Variants in CLEC16A observed in about 807,000 individuals in gnomAD.
The protein encoded by CLEC16A is protein CLEC16A.
In CLEC16A, 51 loss-of-function variants were observed where a neutral mutation model predicts 109.5. The observed-to-expected ratio is 0.47, with a 90% CI of 0.37 to 0.59. CLEC16A has a LOEUF of 0.59. CLEC16A is among the 20% of genes least tolerant of loss of function. CLEC16A has a pLI of 0.00. For missense variants in CLEC16A, 1,339 were observed against 1,394.0 expected (o/e 0.96, Z 0.63); for synonymous variants, 673 against 564.2 (o/e 1.19, Z -2.73).
chr16:11,108,349 G>A (rs1406337801), intron 19 of CLEC16A, among the ~76,000 whole-genome samples: 1 of 152,264 alleles, frequency 6.6e-6, no homozygotes, highest in Non-Finnish European at 1.5e-5. Context: ...CAAGTGCCCT[G>A]TGAAAGGGGG....
At chr16:11,055,233 A>C (rs1482123344) in intron 18 of CLEC16A, among the ~76,000 whole-genome samples, 1 of 152,168 alleles carries the variant, frequency 6.6e-6, no homozygotes, top group Non-Finnish European at 1.5e-5. Context: ...TTGGGTATCA[A>C]CTCACAGTCA....
At chr16:11,123,620 C>G (rs1210059631) in intron 20 of CLEC16A, 122 bp from the exon 21 acceptor site, 1 of 949,394 alleles carries the variant, frequency 1.1e-6, no homozygotes, top group Non-Finnish European at 1.6e-6. Flanking sequence ...GGCTGTCGAT[C>G]TTAGATCAAA....
chr16:10,974,572 G>A (rs2042951123), intron 7 of CLEC16A, among the ~76,000 whole-genome samples: 1 of 152,162 alleles, frequency 6.6e-6, no homozygotes, highest in African/African-American at 2.4e-5. Flanking sequence ...AATGTCCCCA[G>A]ACATTGCCAA....
intron 19 of CLEC16A, among the ~76,000 whole-genome samples, chr16:11,070,015 A>T (rs1170255211): frequency 6.6e-6 from 1 of 151,580 alleles, no homozygotes; most frequent in Non-Finnish European, 1.5e-5. Flanking sequence ...GGACGACTGT[A>T]TTGTCAGGAT....
At chr16:11,069,474 G>A (rs548498630) in intron 19 of CLEC16A, among the ~76,000 whole-genome samples, 68 of 151,686 alleles carry the variant, frequency 4.5e-4, no homozygotes, top group South Asian at 1.0e-3. Flanking sequence ...TCGCTCTGTC[G>A]TCCAAGCTGG....
intron 19 of CLEC16A, chr16:11,071,217 G>A (rs2049052569): frequency 1.3e-5 from 2 of 152,090 alleles, no homozygotes; most frequent in African/African-American, 4.8e-5. Flanking sequence ...TAGTTTTGTG[G>A]TCCTGTCAGT....
In CLEC16A at chr16:10,954,175, G is replaced by C. The variant is rs1022249237; in HGVS notation, c.81-3607G>C. On this transcript the variant is annotated intron_variant, in intron 1 of 23. Transcript: ENST00000409790. The surrounding 1 kb of genome is among the most constrained non-coding windows in gnomAD (Gnocchi z 4.2). ...GTATTGAGAGGCCAAGAAACAAATGGAGTTCTCAGACCTTTCTTCCTGGCC... is the reference window on the plus strand; with the variant it reads ...GTATTGAGAGGCCAAGAAACAAATGCAGTTCTCAGACCTTTCTTCCTGGCC... Among the ~76,000 whole-genome samples the C allele has an allele frequency of 1.4e-4, 21 of 152,124 alleles. No homozygotes were observed. The highest frequency in any genetic ancestry group is 4.8e-4 in the African/African-American group (20 of 41,432).
At chr16:11,115,049 G>GT (rs1227162582) in intron 19 of CLEC16A, among the ~76,000 whole-genome samples, 2 of 152,154 alleles carry the variant, frequency 1.3e-5, no homozygotes, top group Non-Finnish European at 2.9e-5. Context: ...TGTTCTTTGT[G>GT]GTGGAGGTGG....
At chr16:11,030,363 C>G (rs2046669178) in intron 13 of CLEC16A, among the ~76,000 whole-genome samples, 1 of 152,182 alleles carries the variant, frequency 6.6e-6, no homozygotes, top group Non-Finnish European at 1.5e-5. Context: ...TTCCAAGATG[C>G]CTATATAATT....
chr16:11,001,179 T>C (rs6498143), intron 10 of CLEC16A, among the ~76,000 whole-genome samples: 2 of 151,966 alleles, frequency 1.3e-5, no homozygotes, highest in South Asian at 2.1e-4. Flanking sequence ...TCTGCCTCCT[T>C]GGCTCGAGCG....
intron 19 of CLEC16A, among the ~76,000 whole-genome samples, chr16:11,107,558 T>C (rs2051298369): frequency 6.6e-6 from 1 of 152,228 alleles, no homozygotes; most frequent in Non-Finnish European, 1.5e-5. Flanking sequence ...GGGAACAGTC[T>C]CAGCCCTTCT....
At chr16:11,164,992 G>T (rs938023937) in intron 22 of CLEC16A, among the ~76,000 whole-genome samples, 1 of 152,122 alleles carries the variant, frequency 6.6e-6, no homozygotes, top group Non-Finnish European at 1.5e-5. Flanking sequence ...GTGACCAAGA[G>T]GGTTGAGATC....
chr16:11,044,615 C>T (rs1186034907), intron 16 of CLEC16A, among the ~76,000 whole-genome samples: 1 of 152,148 alleles, frequency 6.6e-6, no homozygotes, highest in Non-Finnish European at 1.5e-5. Context: ...GCTTTGTCTT[C>T]AGGTTCCAGA....
At chr16:11,051,938 A>G (rs879573617) in intron 18 of CLEC16A, among the ~76,000 whole-genome samples, 4 of 152,224 alleles carry the variant, frequency 2.6e-5, no homozygotes, top group Non-Finnish European at 5.9e-5. Context: ...CAATGGGGCC[A>G]GTTTTCTGTG....
intron 13 of CLEC16A, among the ~76,000 whole-genome samples, chr16:11,028,401 G>A (rs367990651): frequency 6.6e-6 from 1 of 152,072 alleles, no homozygotes; most frequent in East Asian, 1.9e-4. Context: ...TTTGTACAAG[G>A]CTCCCTAAGA....
chr16:11,120,805 G>T, intron 20 of CLEC16A, 39 bp downstream of exon 20: 3 of 1,412,736 alleles, frequency 2.1e-6, no homozygotes, highest in Non-Finnish European at 9.3e-7. Flanking sequence ...TTCTCAGTTG[G>T]CTACAAACAC....
Position 11,178,461 on chromosome 16 carries a change from G to A in CLEC16A, c.2933G>A (p.Ser978Asn), listed in dbSNP as rs376884507. The change falls in exon 24 of 24, where the codon AGC becomes AAC. Residue 978 changes from serine (S) to asparagine (N), a missense_variant. Transcript: ENST00000409790. The surrounding 1 kb of genome is among the most constrained non-coding windows in gnomAD (Gnocchi z 6.5). ...VARSAAVETASLSPSLVPARQ... is the reference protein window; with the variant it reads ...VARSAAVETANLSPSLVPARQ... ...AGGAGCGCAGCCGTGGAGACAGCCA[G>A]CCTGTCCCCCAGCCTCGTCCCTGCC... The A allele has an allele frequency of 6.2e-7, 1 of 1,613,670 alleles. No homozygotes were observed. Among genetic ancestry groups the A allele is most frequent in the Non-Finnish European group, 8.5e-7 (1 of 1,179,900 alleles).
chr16:11,022,801 A>G (rs1043551551), intron 12 of CLEC16A, among the ~76,000 whole-genome samples: 2 of 151,746 alleles, frequency 1.3e-5, no homozygotes, highest in Admixed American at 1.3e-4. Context: ...CAGGAGGCTG[A>G]GGCAGGAGAA....
At chr16:11,119,783 A>T (rs557652893) in intron 19 of CLEC16A, among the ~76,000 whole-genome samples, 1 of 152,180 alleles carries the variant, frequency 6.6e-6, no homozygotes, top group Admixed American at 6.5e-5. Flanking sequence ...TAATACTGTG[A>T]AAAATGATGT....
Sources: allele counts gnomAD v4.1 joint callset (sites outside exome capture counted in the v4.1 genomes callset), GRCh38; gene constraint gnomAD v4.1.1; non-coding constraint Gnocchi (gnomAD v3.1); transcripts MANE v1.5; gene names NCBI Gene and HGNC (gene_info 2026-07-23, HGNC 2026-07-21).